TNFSF4: variants seen among roughly 807,000 people sequenced by gnomAD.
TNFSF4 encodes TNF superfamily member 4.
In TNFSF4, 4 loss-of-function variants were observed where a neutral mutation model predicts 7.3. That is an observed-to-expected ratio of 0.55 (90% CI 0.27 to 1.25). TNFSF4 has a LOEUF of 1.25. Among genes scored for constraint, TNFSF4 ranks in the 50% most tolerant of loss-of-function variants. The probability of loss-of-function intolerance (pLI) is 0.12; values close to 1 mark genes in which losing one functional copy is unlikely to be tolerated. For synonymous variants in TNFSF4, 76 were observed against 83.7 expected, an observed-to-expected ratio of 0.91 and a Z score of 0.50; for missense variants, 181 against 208.8, an observed-to-expected ratio of 0.87 and a Z score of 0.82.
the TNFSF4 span, among the ~76,000 whole-genome samples, chr1:173,229,634 T>G: frequency 6.6e-6 from 1 of 152,112 alleles, no homozygotes; most frequent in Non-Finnish European, 1.5e-5. Context: ...AGACACAGAC[T>G]GGCAAATTGG....
chr1:173,381,314 G>C, the TNFSF4 span, among the ~76,000 whole-genome samples: 4 of 152,136 alleles, frequency 2.6e-5, no homozygotes, highest in Non-Finnish European at 5.9e-5. Context: ...ACACTAACCA[G>C]TCAGGGATAG....
the TNFSF4 span, among the ~76,000 whole-genome samples, chr1:173,261,500 A>G: frequency 6.6e-6 from 1 of 152,186 alleles, no homozygotes; most frequent in Non-Finnish European, 1.5e-5. Context: ...AAGGAGATAA[A>G]GACATGAAAA....
chr1:173,292,642 G>C, the TNFSF4 span, among the ~76,000 whole-genome samples: 9 of 149,308 alleles, frequency 6.0e-5, no homozygotes, highest in East Asian at 1.6e-3. Context: ...CTGGAAGCCA[G>C]AGCAATCAGG....
At chr1:173,235,433 C>A in the TNFSF4 span, among the ~76,000 whole-genome samples, 1 of 152,198 alleles carries the variant, frequency 6.6e-6, no homozygotes, top group African/African-American at 2.4e-5. Context: ...GTGGGTCCAC[C>A]CCATTGTCCC....
At chr1:173,238,238 C>T in the TNFSF4 span, among the ~76,000 whole-genome samples, 16 of 151,970 alleles carry the variant, frequency 1.1e-4, no homozygotes, top group African/African-American at 3.1e-4. Context: ...TACACCATAT[C>T]GAAAAATCAA....
chr1:173,225,007 CTTTT>C, the TNFSF4 span, among the ~76,000 whole-genome samples: 1 of 152,114 alleles, frequency 6.6e-6, no homozygotes, highest in Non-Finnish European at 1.5e-5. Context: ...TGCCACAGTG[CTTTT>C]TTATTAGTGT....
At chr1:173,302,342 A>G in the TNFSF4 span, among the ~76,000 whole-genome samples, 1 of 151,980 alleles carries the variant, frequency 6.6e-6, no homozygotes, top group Admixed American at 6.6e-5. Flanking sequence ...TTACAGAAGA[A>G]GACACTGATT....
chr1:173,255,256 T>C, the TNFSF4 span, among the ~76,000 whole-genome samples: 57 of 152,372 alleles, frequency 3.7e-4, no homozygotes, highest in African/African-American at 1.2e-3. Flanking sequence ...TTCCTTTTTA[T>C]CTAATTACTT....
At chr1:173,279,345 T>C in the TNFSF4 span, among the ~76,000 whole-genome samples, 1 of 152,120 alleles carries the variant, frequency 6.6e-6, no homozygotes, top group Non-Finnish European at 1.5e-5. Flanking sequence ...CATTCTAAGT[T>C]TCCTTTACTT....
chr1:173,269,075 G>A, the TNFSF4 span, among the ~76,000 whole-genome samples: 4 of 152,174 alleles, frequency 2.6e-5, no homozygotes, highest in South Asian at 2.1e-4. Context: ...AAGACATTAT[G>A]TGCACGTGAC....
the TNFSF4 span, among the ~76,000 whole-genome samples, chr1:173,281,248 A>C: frequency 6.6e-6 from 1 of 152,162 alleles, no homozygotes; most frequent in Non-Finnish European, 1.5e-5. Flanking sequence ...TATTTTTGCC[A>C]AGGGTGATTT....
Position 173,184,131 on chromosome 1 carries a change from A to C in TNFSF4, c.*2385T>G, listed in dbSNP as rs933011290. On this transcript the variant is annotated 3_prime_UTR_variant, in exon 3 of 3. Transcript: ENST00000281834. ...ATAACACTGTAAGCATAAGATTCTA[A>C]ACTGTTAGATATTTAACATTCCTCT... The C allele has an allele frequency of 2.0e-5, 3 of 152,234 alleles. No homozygotes were observed. Among genetic ancestry groups the C allele is most frequent in the African/African-American group, 7.2e-5 (3 of 41,460 alleles). 9.4% of individuals were successfully genotyped at this position (152,234 alleles called of 1,614,324 possible).
At chr1:173,440,794 T>C in the TNFSF4 span, 1 of 152,224 alleles carries the variant, frequency 6.6e-6, no homozygotes, top group African/African-American at 2.4e-5. Context: ...TATCTAGACA[T>C]TATGAAATGA....
At chr1:173,362,761 CA>C in the TNFSF4 span, 1 of 400,374 alleles carries the variant, frequency 2.5e-6, no homozygotes, top group Non-Finnish European at 4.9e-6. Flanking sequence ...CTTGCTTTGC[CA>C]AAGGAACACT....
the TNFSF4 span, among the ~76,000 whole-genome samples, chr1:173,384,228 G>A: frequency 6.6e-6 from 1 of 152,146 alleles, no homozygotes; most frequent in East Asian, 1.9e-4. Context: ...ATTTTAGAAG[G>A]GGGAGATAGA....
upstream of TNFSF4, among the ~76,000 whole-genome samples, chr1:173,210,019 C>T (rs972815295): frequency 6.7e-6 from 1 of 150,000 alleles, no homozygotes; most frequent in African/African-American, 2.4e-5. Context: ...CAGAAAGAAG[C>T]AAAAAACATT....
At chr1:173,198,206 C>A (rs943447362) in intron 1 of TNFSF4, among the ~76,000 whole-genome samples, 1 of 152,166 alleles carries the variant, frequency 6.6e-6, no homozygotes, top group African/African-American at 2.4e-5. Context: ...TGCACTGGGA[C>A]TAGGCACACC....
chr1:173,360,987 C>G, the TNFSF4 span, among the ~76,000 whole-genome samples: 6 of 152,126 alleles, frequency 3.9e-5, no homozygotes, highest in East Asian at 7.7e-4. Context: ...GCTAGCCAAA[C>G]TAACCATGGG....
chr1:173,197,501 T>C (rs140999370), intron 1 of TNFSF4, among the ~76,000 whole-genome samples: 9 of 152,318 alleles, frequency 5.9e-5, no homozygotes, highest in African/African-American at 1.4e-4. Context: ...AATGGAATAC[T>C]GTGCAGCCAT....
Sources: gnomAD v4.1 joint callset for allele counts (sites outside exome capture counted in the v4.1 genomes callset) on GRCh38, gnomAD v4.1.1 for gene constraint, MANE v1.5 for transcripts, NCBI Gene and HGNC (gene_info 2026-07-23, HGNC 2026-07-21) for gene names.